B4GALNT3: variants seen among roughly 807,000 people sequenced by gnomAD.
The protein encoded by B4GALNT3 is beta-1,4-N-acetylgalactosaminyltransferase 3.
Under a neutral mutation model 120.2 loss-of-function variants are expected in B4GALNT3, and 86 were observed. That is an observed-to-expected ratio of 0.72 (90% CI 0.60 to 0.86). The LOEUF (loss-of-function observed/expected upper bound fraction) is 0.86. Ranked by LOEUF, B4GALNT3 falls within the 40% of genes least tolerant of loss-of-function variation. The pLI, the probability that B4GALNT3 is intolerant of heterozygous loss-of-function variation, is 0.00. For missense variants in B4GALNT3, 1,167 were observed against 1,298.9 expected (o/e 0.90, Z 1.56); for synonymous variants, 518 against 510.4 (o/e 1.01, Z -0.20).
chr12:517,438 CAA>C (rs937182171), intron 1 of B4GALNT3, among the ~76,000 whole-genome samples: 2 of 152,214 alleles, frequency 1.3e-5, no homozygotes, highest in African/African-American at 4.8e-5. Context: ...ATTTTAGAAA[CAA>C]AGCTTCTGGG....
intron 14 of B4GALNT3, among the ~76,000 whole-genome samples, chr12:554,591 C>T (rs1208958109): frequency 8.4e-4 from 126 of 150,306 alleles, no homozygotes; most frequent in African/African-American, 2.9e-3. Flanking sequence ...GAGATCGAGA[C>T]CATCCTGGCT....
chr12:549,678 C>G, intron 9 of B4GALNT3, 91 bp from the exon 10 acceptor site: 1 of 1,520,358 alleles, frequency 6.6e-7, no homozygotes, highest in South Asian at 1.2e-5. Flanking sequence ...GTCAGGAGCC[C>G]CTTCTGCGTC....
intron 9 of B4GALNT3, among the ~76,000 whole-genome samples, chr12:549,327 T>C (rs1370048552): frequency 2.0e-5 from 3 of 152,226 alleles, no homozygotes; most frequent in African/African-American, 7.2e-5. Context: ...TATGCCAAAG[T>C]TCCTTATCTG....
chr12:461,732 A>G (rs1440442135), intron 1 of B4GALNT3, among the ~76,000 whole-genome samples: 1 of 152,158 alleles, frequency 6.6e-6, no homozygotes, highest in African/African-American at 2.4e-5. Flanking sequence ...GTGGCCAAAG[A>G]GAGAGAATTA....
intron 1 of B4GALNT3, among the ~76,000 whole-genome samples, chr12:506,064 G>A (rs1204258654): frequency 6.6e-6 from 1 of 152,078 alleles, no homozygotes; most frequent in Admixed American, 6.5e-5. Context: ...CACAGGTACA[G>A]TATGCCTATA....
Position 550,757 on chromosome 12 carries a change from C to G in B4GALNT3, c.998-165C>G, listed in dbSNP as rs1434731138. Among the ~76,000 whole-genome samples, 1 of 152,204 alleles carries G rather than the reference C, an allele frequency of 6.6e-6. No individual in the cohort carries two copies. The highest frequency in any genetic ancestry group is 1.9e-4 in the East Asian group (1 of 5,186). ...CCAGGGTGCTCCTCAAATGGCCCTGCTCCAGGTGCGTGGGGCAGCCTCCAG... is the reference window on the plus strand; with the variant it reads ...CCAGGGTGCTCCTCAAATGGCCCTGGTCCAGGTGCGTGGGGCAGCCTCCAG... On this transcript the variant is annotated intron_variant, in intron 10 of 19. Coordinates refer to ENST00000266383, the MANE Select transcript of B4GALNT3 (RefSeq NM_173593.4). This position sits in a 1 kb window ranked among gnomAD's most constrained non-coding sequence, Gnocchi z 4.1.
rs566099742 is a variant in B4GALNT3, at chr12:547,537, C to T, written c.708-487C>T. On this transcript the variant is annotated intron_variant, in intron 7 of 19. Coordinates refer to ENST00000266383, the MANE Select transcript of B4GALNT3 (RefSeq NM_173593.4). Reference sequence around the variant, plus strand: ...CAATCTTGCTTGCAAAGAGCACTCGCGTGCCAGCTGCCGTGGTGGGTACGC... The same window carrying T: ...CAATCTTGCTTGCAAAGAGCACTCGTGTGCCAGCTGCCGTGGTGGGTACGC... Among the ~76,000 whole-genome samples, 292 of 152,240 alleles carry T rather than the reference C, an allele frequency of 1.9e-3. 1 individual carries two copies. Among genetic ancestry groups the T allele is most frequent in the Middle Eastern group, 0.01 (3 of 294 alleles).
Position 544,227 on chromosome 12 carries a change from C to T in B4GALNT3, c.352-112C>T, listed in dbSNP as rs1565607484. On this transcript the variant is annotated intron_variant, in intron 3 of 19. Transcript: ENST00000266383. ...GGGAGGGCATGGGGTGCTCATCCTCCTGGAGCTGAGGGTCTGGGGCGGGCA... is the reference window on the plus strand; with the variant it reads ...GGGAGGGCATGGGGTGCTCATCCTCTTGGAGCTGAGGGTCTGGGGCGGGCA... 4.2e-6 allele frequency: 4 copies of T among 963,604 alleles called. No homozygotes were observed. In the African/African-American group the frequency reaches 6.4e-5, roughly 16 times the overall value. 59.7% of individuals were successfully genotyped at this position (963,604 alleles called of 1,614,324 possible). A position where few individuals can be genotyped will look rare whatever the true frequency, so the allele number is the denominator to read the frequency against.
chr12:539,080 A>G (rs984459344), intron 3 of B4GALNT3, among the ~76,000 whole-genome samples: 6 of 152,164 alleles, frequency 3.9e-5, no homozygotes, highest in African/African-American at 1.2e-4. Flanking sequence ...CTCCTCTTTC[A>G]CTGTTTCCCT....
At chr12:493,784 G>A (rs997344395) in intron 1 of B4GALNT3, among the ~76,000 whole-genome samples, 3 of 152,008 alleles carry the variant, frequency 2.0e-5, no homozygotes, top group East Asian at 1.9e-4. Flanking sequence ...AGATTTGGAG[G>A]CAGTTTAAAA....
intron 16 of B4GALNT3, 97 bp downstream of exon 16, chr12:557,858 C>A: frequency 6.7e-7 from 1 of 1,489,542 alleles, no homozygotes; most frequent in Non-Finnish European, 9.1e-7. Context: ...TCCTGCCCAG[C>A]CTTCCTGATT....
chr12:488,973 A>C (rs1460291967), intron 1 of B4GALNT3, among the ~76,000 whole-genome samples: 2 of 152,076 alleles, frequency 1.3e-5, no homozygotes, highest in African/African-American at 4.8e-5. Flanking sequence ...AAAACCACGG[A>C]AGACTGCAGC....
At chr12:501,423 G>A (rs949253987) in intron 1 of B4GALNT3, among the ~76,000 whole-genome samples, 1 of 152,010 alleles carries the variant, frequency 6.6e-6, no homozygotes, top group African/African-American at 2.4e-5. Flanking sequence ...TGGAGAAATA[G>A]GGATCAGATT....
At position 559,574 on chromosome 12, in the gene B4GALNT3, C is replaced by T. The variant is rs778220241; in HGVS notation, c.2888+153C>T. ...GACTCGGAGGACGCCCTCAAATCAC[C>T]GGCCTCGCTGGGACTCAGTTTCTCT... On this transcript the variant is annotated intron_variant, in intron 19 of 19. Coordinates refer to ENST00000266383, the MANE Select transcript of B4GALNT3 (RefSeq NM_173593.4). Among the ~76,000 whole-genome samples the T allele has an allele frequency of 1.4e-4, 21 of 152,124 alleles. No individual in the cohort carries two copies. The South Asian group carries it at 1.5e-3, about 11-fold the overall frequency.
intron 1 of B4GALNT3, among the ~76,000 whole-genome samples, chr12:512,523 A>G (rs1592033420): frequency 2.3e-5 from 2 of 88,116 alleles, no homozygotes; most frequent in Non-Finnish European, 4.4e-5. Context: ...TCCACCTTCG[A>G]CCTTCTTCCA....
At chr12:464,309 C>T (rs1296710083) in intron 1 of B4GALNT3, among the ~76,000 whole-genome samples, 1 of 152,146 alleles carries the variant, frequency 6.6e-6, no homozygotes, top group Non-Finnish European at 1.5e-5. Context: ...CATATTGGAT[C>T]AGCAAAGATT....
At chr12:500,460 A>G (rs1946427042) in intron 1 of B4GALNT3, among the ~76,000 whole-genome samples, 1 of 152,128 alleles carries the variant, frequency 6.6e-6, no homozygotes, top group Non-Finnish European at 1.5e-5. Context: ...CTTTCTGCTG[A>G]GCCTAGTCCT....
chr12:510,920 A>G (rs1389030564), intron 1 of B4GALNT3, among the ~76,000 whole-genome samples: 1 of 151,086 alleles, frequency 6.6e-6, no homozygotes, highest in African/African-American at 2.4e-5. Context: ...CACCCTAGAA[A>G]GGAACCTCAC....
chr12:506,377 A>G (rs1485639855), intron 1 of B4GALNT3, among the ~76,000 whole-genome samples: 5 of 152,172 alleles, frequency 3.3e-5, no homozygotes, highest in Non-Finnish European at 7.3e-5. Context: ...TGCTCTTTCA[A>G]TCACAGGGAC....
Sources: gnomAD v4.1 joint callset for allele counts (sites outside exome capture counted in the v4.1 genomes callset) on GRCh38, gnomAD v4.1.1 for gene constraint, Gnocchi (gnomAD v3.1) non-coding constraint, MANE v1.5 for transcripts, NCBI Gene and HGNC (gene_info 2026-07-23, HGNC 2026-07-21) for gene names.